Variants in MAPK8IP1 observed in about 807,000 individuals in gnomAD.
The protein encoded by MAPK8IP1 is C-Jun-amino-terminal kinase-interacting protein 1.
MAPK8IP1 carries 17 observed loss-of-function variants against 72.6 expected under a neutral mutation model. The ratio of observed to expected loss-of-function variants is 0.23; its 90% CI spans 0.16 to 0.35. The LOEUF (loss-of-function observed/expected upper bound fraction) is 0.35, where lower values mean the gene tolerates loss of function less well. Among genes scored for constraint, MAPK8IP1 ranks in the 10% least tolerant of loss-of-function variants. MAPK8IP1 has a pLI of 1.00. For missense variants in MAPK8IP1, 789 were observed against 1,009.7 expected, an observed-to-expected ratio of 0.78 and a Z score of 2.96; for synonymous variants, 401 against 443.4, an observed-to-expected ratio of 0.90 and a Z score of 1.20.
chr11:45,902,255 G>C lies in MAPK8IP1; in HGVS notation c.605-117G>C, dbSNP rs2086659631. The C allele has an allele frequency of 9.7e-7, 1 of 1,033,774 alleles. No individual in the cohort carries two copies. The highest frequency in any genetic ancestry group is 1.5e-6 in the Non-Finnish European group (1 of 673,312). The allele number at this position is 1,033,774 out of a possible 1,614,324, so 64.0% of individuals were successfully genotyped here. A position where few individuals can be genotyped will look rare whatever the true frequency, so the allele number is the denominator to read the frequency against. On this transcript the variant is annotated intron_variant, in intron 4 of 11. Transcript: ENST00000241014. This position sits in a 1 kb window ranked among gnomAD's most constrained non-coding sequence, Gnocchi z 9.3. ...TGACTGGCCCCAGAGCCTGCGAAGG[G>C]CCTGTTGCCCAGGGAGGCTTTGTCT...
At chr11:45,898,449 G>A (rs1189412658) in intron 2 of MAPK8IP1, among the ~76,000 whole-genome samples, 4 of 152,170 alleles carry the variant, frequency 2.6e-5, no homozygotes, top group Non-Finnish European at 4.4e-5. Flanking sequence ...CACGAGATGG[G>A]AGAGGCCAGG....
At chr11:45,905,311 G>C in intron 11 of MAPK8IP1, 62 bp downstream of exon 11, 1 of 1,462,000 alleles carries the variant, frequency 6.8e-7, no homozygotes, top group South Asian at 1.2e-5. Context: ...AGGCCCTGGG[G>C]CTGCTTCCTG....
chr11:45,903,132 T>C lies in MAPK8IP1; in HGVS notation c.1365T>C (p.His455=). 6.2e-7 allele frequency: 1 copy of C among 1,607,482 alleles called. No individual in the cohort carries two copies. ...CCACGCCTGATGAACCCGACGTCCATTTCTCCAAGAAATTCCTGAACGTCT... is the reference window on the plus strand; with the variant it reads ...CCACGCCTGATGAACCCGACGTCCACTTCTCCAAGAAATTCCTGAACGTCT... ...EDSTPDEPDV[H]FSKKFLNVFM... The change falls in exon 5 of 12, where the codon CAT becomes CAC. Residue 455 remains histidine (H), a synonymous_variant. Coordinates refer to ENST00000241014, the MANE Select transcript of MAPK8IP1 (RefSeq NM_005456.4). The surrounding 1 kb of genome is among the most constrained non-coding windows in gnomAD (Gnocchi z 6.4).
chr11:45,905,037 A>C lies in MAPK8IP1; in HGVS notation c.1960A>C (p.Asn654His), dbSNP rs1231819368. Residue 654 changes from asparagine (N) to histidine (H), a missense_variant, in exon 10 of 12, where the codon AAC becomes CAC. Asn to His is a moderately conservative substitution (Grantham distance 68, BLOSUM62 1). Transcript: ENST00000241014. Reference protein sequence around the residue: ...ISFCGYHPKNNKYFGFITKHP... With the variant: ...ISFCGYHPKNHKYFGFITKHP... ...TTTCTGCGGATATCATCCAAAGAAC[A>C]ACAAGTAAGTGGGGGTGGGATGGCA... 2 of 1,614,140 alleles carry C rather than the reference A, an allele frequency of 1.2e-6. No homozygotes were observed. The highest frequency in any genetic ancestry group is 1.7e-6 in the Non-Finnish European group (2 of 1,180,024).
chr11:45,900,252 G>A lies in MAPK8IP1; in HGVS notation c.322G>A (p.Asp108Asn), dbSNP rs933225359. 6 of 1,333,058 alleles carry A rather than the reference G, an allele frequency of 4.5e-6. No individual in the cohort carries two copies. The East Asian group carries it at 1.3e-4, about 28-fold the overall frequency. The allele number at this position is 1,333,058 out of a possible 1,614,324, so 82.6% of individuals were successfully genotyped here. A position where few individuals can be genotyped will look rare whatever the true frequency, so the allele number is the denominator to read the frequency against. The change falls in exon 3 of 12, where the codon GAC becomes AAC. Residue 108 changes from aspartate (D) to asparagine (N), a missense_variant. Physicochemically the swap from Asp to Asn is conservative, Grantham distance 23. Transcript: ENST00000241014. The surrounding 1 kb of genome is among the most constrained non-coding windows in gnomAD (Gnocchi z 6.5). ...GACGGGGGACACTCCCGGGGCCGAGGACGACGAGGAGGACGACGACGAGGA... is the reference window on the plus strand; with the variant it reads ...GACGGGGGACACTCCCGGGGCCGAGAACGACGAGGAGGACGACGACGAGGA... ...DATGDTPGAE[D>N]DEEDDDEERA...
rs780042761 is a variant in MAPK8IP1 at position 45,902,653 on chromosome 11, A to T, written c.886A>T (p.Thr296Ser). 1 of 1,612,334 alleles carries T rather than the reference A, an allele frequency of 6.2e-7. No homozygotes were observed. Among genetic ancestry groups the T allele is most frequent in the South Asian group, 1.1e-5 (1 of 91,042 alleles). The change falls in exon 5 of 12, where the codon ACC becomes TCC. Residue 296 changes from threonine to serine, a missense_variant. Thr to Ser is a moderately conservative substitution (Grantham distance 58). Coordinates refer to ENST00000241014, the MANE Select transcript of MAPK8IP1 (RefSeq NM_005456.4). The surrounding 1 kb of genome is among the most constrained non-coding windows in gnomAD (Gnocchi z 9.3). ...GAGGCCCCCAGACGCTGCAGAGCCC[A>T]CCTCCGCCTTCCTGCCGCCCACTGA... is the stretch of plus-strand genomic sequence containing the variant. ...VQRPPDAAEP[T>S]SAFLPPTESR...
intron 1 of MAPK8IP1, among the ~76,000 whole-genome samples, chr11:45,891,943 C>T (rs895683799): frequency 2.0e-5 from 3 of 152,170 alleles, no homozygotes; most frequent in Admixed American, 1.3e-4. Context: ...ATTGTTTCCT[C>T]GAAGCAGTTT....
chr11:45,903,871 G>A lies in MAPK8IP1; in HGVS notation c.1494-118G>A. ...GGGTTAGTACTGCAACAGGCACACA[G>A]GATGCTTTTGCAAATGTTTACTGAA... On this transcript the variant is annotated intron_variant, in intron 6 of 11. Transcript: ENST00000241014. The surrounding 1 kb of genome is among the most constrained non-coding windows in gnomAD (Gnocchi z 6.4). 1.1e-6 allele frequency: 1 copy of A among 942,692 alleles called. No individual in the cohort carries two copies. The highest frequency in any genetic ancestry group is 1.7e-5 in the Admixed American group (1 of 58,318). The allele number at this position is 942,692 out of a possible 1,614,324, so 58.4% of individuals were successfully genotyped here.
chr11:45,888,016 G>T (rs972388985), intron 1 of MAPK8IP1, among the ~76,000 whole-genome samples: 1 of 152,192 alleles, frequency 6.6e-6, no homozygotes, highest in Non-Finnish European at 1.5e-5. Context: ...TTACCTGTGT[G>T]CCCTGACACT....
At position 45,904,618 on chromosome 11, in the gene MAPK8IP1, A is replaced by G. The variant is rs2086687902; in HGVS notation, c.1776+54A>G. The G allele has an allele frequency of 6.3e-7, 1 of 1,596,160 alleles. No individual in the cohort carries two copies. The highest frequency in any genetic ancestry group is 8.6e-7 in the Non-Finnish European group (1 of 1,163,892). On this transcript the variant is annotated intron_variant, in intron 8 of 11. Coordinates refer to ENST00000241014, the MANE Select transcript of MAPK8IP1 (RefSeq NM_005456.4). This position sits in a 1 kb window ranked among gnomAD's most constrained non-coding sequence, Gnocchi z 6.4. ...TTGGATGGGTCCCTGGGGCAGAGGG[A>G]CGCAGGTGTCTAGAGGCAGTAAAGG...
At position 45,902,137 on chromosome 11, in the gene MAPK8IP1, C is replaced by A; in HGVS notation, c.604+76C>A. ...TCCCCACTACAGAGAGCAAACCCTACAGTCTCCAAAGGGCTGAGTAGAGGT... is the reference window on the plus strand; with the variant it reads ...TCCCCACTACAGAGAGCAAACCCTAAAGTCTCCAAAGGGCTGAGTAGAGGT... On this transcript the variant is annotated intron_variant, in intron 4 of 11. Coordinates refer to ENST00000241014, the MANE Select transcript of MAPK8IP1 (RefSeq NM_005456.4). This position sits in a 1 kb window ranked among gnomAD's most constrained non-coding sequence, Gnocchi z 9.3. 1 of 1,349,034 alleles carries A rather than the reference C, an allele frequency of 7.4e-7. No homozygotes were observed. Among genetic ancestry groups the A allele is most frequent in the Non-Finnish European group, 1.1e-6 (1 of 938,102 alleles). 83.6% of individuals were successfully genotyped at this position (1,349,034 alleles called of 1,614,324 possible). A position where few individuals can be genotyped will look rare whatever the true frequency, so the allele number is the denominator to read the frequency against.
At chr11:45,890,799 A>T (rs4756039) in intron 1 of MAPK8IP1, among the ~76,000 whole-genome samples, 133,067 of 152,122 alleles carry the variant, frequency 0.87, 59,002 homozygotes, top group Non-Finnish European at 0.94. Context: ...AATTGGAGGA[A>T]TCATACAGTC....
At position 45,885,981 on chromosome 11, in the gene MAPK8IP1, GC is replaced by G. The variant is rs1436639465; in HGVS notation, c.101+63del. 2.2e-5 allele frequency: 24 copies of G among 1,081,876 alleles called. 1 individual carries two copies. Among genetic ancestry groups the G allele is most frequent in the Middle Eastern group, 2.1e-4 (1 of 4,764 alleles). 67.0% of individuals were successfully genotyped at this position (1,081,876 alleles called of 1,614,324 possible). On this transcript the variant is annotated intron_variant, in intron 1 of 11. Coordinates refer to ENST00000241014, the MANE Select transcript of MAPK8IP1 (RefSeq NM_005456.4). ...CAGCGGGGACTGATCCGCATTGGCT[GC>G]CCTGCCCGCCCCCCACCCCAGAACC... is the stretch of plus-strand genomic sequence containing the variant.
intron 1 of MAPK8IP1, 143 bp downstream of exon 1, chr11:45,886,064 G>GC (rs952900766): frequency 2.3e-5 from 11 of 471,210 alleles, no homozygotes; most frequent in Admixed American, 4.4e-5. Flanking sequence ...CCGGGACAGA[G>GC]CCCCCCTCAG....
At chr11:45,888,928 G>A (rs2086546840) in intron 1 of MAPK8IP1, among the ~76,000 whole-genome samples, 1 of 152,108 alleles carries the variant, frequency 6.6e-6, no homozygotes, top group Non-Finnish European at 1.5e-5. Flanking sequence ...TTGAACTCCT[G>A]ACCTCAGGTG....
rs1278984490 is a variant in MAPK8IP1 at position 45,900,367 on chromosome 11, A to C, written c.437A>C (p.Gln146Pro). 6.6e-7 allele frequency: 1 copy of C among 1,519,424 alleles called. No individual in the cohort carries two copies. Among genetic ancestry groups the C allele is most frequent in the Non-Finnish European group, 8.8e-7 (1 of 1,139,812 alleles). 94.1% of individuals were successfully genotyped at this position (1,519,424 alleles called of 1,614,324 possible). A position where few individuals can be genotyped will look rare whatever the true frequency, so the allele number is the denominator to read the frequency against. Residue 146 changes from glutamine to proline, a missense_variant, in exon 3 of 12, where the codon CAG (glutamine) becomes CCG (proline). Gln to Pro is a moderately conservative substitution (Grantham distance 76). Coordinates refer to ENST00000241014, the MANE Select transcript of MAPK8IP1 (RefSeq NM_005456.4). This position sits in a 1 kb window ranked among gnomAD's most constrained non-coding sequence, Gnocchi z 6.5. ...ASRGQGQSQG[Q>P]SQGPGSGDTY... is the part of the protein sequence containing the mutation. ...CGCGGCCAGGGCCAGAGCCAAGGCC[A>C]GAGCCAGGGCCCGGGCAGCGGGGAC... is the stretch of plus-strand genomic sequence containing the variant.
chr11:45,898,010 C>G (rs1590785336), intron 1 of MAPK8IP1, 75 bp from the exon 2 acceptor site: 1 of 903,098 alleles, frequency 1.1e-6, no homozygotes, highest in Non-Finnish European at 1.8e-6. Flanking sequence ...AGGCTGCACC[C>G]TGGAAGAGGT....
intron 1 of MAPK8IP1, among the ~76,000 whole-genome samples, chr11:45,888,624 C>T (rs556861030): frequency 2.6e-4 from 40 of 152,174 alleles, no homozygotes; most frequent in African/African-American, 9.6e-4. Flanking sequence ...CTGATTATAG[C>T]TCCAGCTGTT....
rs1428792733 is a variant in MAPK8IP1, at chr11:45,905,630, T to TGTGTC, written c.2064-18_2064-14dup. 4.4e-6 allele frequency: 7 copies of TGTGTC among 1,608,800 alleles called. No individual in the cohort carries two copies. The highest frequency in any genetic ancestry group is 6.0e-6 in the Non-Finnish European group (7 of 1,175,236). Reference sequence around the variant, plus strand: ...TGCCAGTGGCGATCTGAGCCATCTGTGTGTCCCCTGGCTTCTAGGAGAGCA... The same window carrying TGTGTC: ...TGCCAGTGGCGATCTGAGCCATCTGTGTGTCGTGTCCCCTGGCTTCTAGGAGAGCA... On this transcript the variant is annotated intron_variant, in intron 11 of 11. Coordinates refer to ENST00000241014, the MANE Select transcript of MAPK8IP1 (RefSeq NM_005456.4).
Sources: allele counts gnomAD v4.1 joint callset (sites outside exome capture counted in the v4.1 genomes callset), GRCh38; gene constraint gnomAD v4.1.1; non-coding constraint Gnocchi (gnomAD v3.1); transcripts MANE v1.5; gene names NCBI Gene and HGNC (gene_info 2026-07-23, HGNC 2026-07-21).